IL1RAPL2: variants seen among roughly 807,000 people sequenced by gnomAD.
The protein encoded by IL1RAPL2 is interleukin 1 receptor accessory protein like 2.
IL1RAPL2 carries 3 observed loss-of-function variants against 44.1 expected under a neutral mutation model. That is an observed-to-expected ratio of 0.07 (90% confidence interval 0.03 to 0.18). The LOEUF is 0.18. Ranked by LOEUF, IL1RAPL2 falls within the 10% of genes least tolerant of loss-of-function variation. The pLI is 1.00. For synonymous variants in IL1RAPL2, 181 were observed against 178.8 expected (o/e 1.01, Z -0.10); for missense variants, 391 against 496.4 (o/e 0.79, Z 2.02).
chrX:105,205,302 G>C (rs1329758411), intron 3 of IL1RAPL2, among the ~76,000 whole-genome samples: 3 of 109,851 alleles, frequency 2.7e-5, no homozygotes, highest in Non-Finnish European at 5.7e-5. Flanking sequence ...GAAAGCTAAA[G>C]AAAGGGCTGG....
chrX:105,279,481 G>T (rs2034512764), intron 5 of IL1RAPL2, among the ~76,000 whole-genome samples: 1 of 110,781 alleles, frequency 9.0e-6, no homozygotes, highest in East Asian at 2.8e-4. Context: ...TTTTTTGTTT[G>T]TTTGTTTTGT....
Position 104,868,401 on chromosome X carries a change from G to A in IL1RAPL2, c.82+209406G>A, listed in dbSNP as rs928935973. 2.3e-4 allele frequency among the ~76,000 whole-genome samples: 26 copies of A among 111,680 alleles called. 1 individual carries two copies. Among genetic ancestry groups the A allele is most frequent in the Non-Finnish European group, 2.1e-4 (11 of 53,137 alleles). Reference sequence around the variant, plus strand: ...TCTTTAGGGCCACTCTCCCTCTTTAGGGTATTAAATTACCTGTATCTGCTC... The same window carrying A: ...TCTTTAGGGCCACTCTCCCTCTTTAAGGTATTAAATTACCTGTATCTGCTC... On this transcript the variant is annotated intron_variant, in intron 2 of 10. Coordinates refer to ENST00000372582, the MANE Select transcript of IL1RAPL2 (RefSeq NM_017416.2).
intron 2 of IL1RAPL2, among the ~76,000 whole-genome samples, chrX:104,807,503 C>T (rs1746209612): frequency 9.0e-6 from 1 of 111,300 alleles, no homozygotes; most frequent in Non-Finnish European, 1.9e-5. Flanking sequence ...GAGTTTTTTC[C>T]TTTGAAAATG....
intron 6 of IL1RAPL2, among the ~76,000 whole-genome samples, chrX:105,673,938 CAT>C (rs2037846256): frequency 1.8e-5 from 2 of 111,458 alleles, no homozygotes; most frequent in South Asian, 3.7e-4. Flanking sequence ...ATCTTTTTTT[CAT>C]ATGTTTGTGG....
At chrX:105,482,602 G>T (rs1425194333) in intron 5 of IL1RAPL2, among the ~76,000 whole-genome samples, 1 of 111,531 alleles carries the variant, frequency 9.0e-6, no homozygotes, top group African/African-American at 3.3e-5. Flanking sequence ...TATTTCTGGT[G>T]CATTTGTTTA....
chrX:105,340,726 A>T (rs1476735493), intron 5 of IL1RAPL2, among the ~76,000 whole-genome samples: 3 of 112,127 alleles, frequency 2.7e-5, no homozygotes, highest in African/African-American at 9.7e-5. Context: ...CTGCCTGTTT[A>T]ATATGCAACT....
At chrX:105,190,910 G>A (rs1011258625) in intron 2 of IL1RAPL2, among the ~76,000 whole-genome samples, 3 of 112,269 alleles carry the variant, frequency 2.7e-5, no homozygotes, top group African/African-American at 9.7e-5. Flanking sequence ...GAGGAAGTAG[G>A]AGGCTTATCT....
chrX:105,709,636 GC>G (rs2038192105), intron 6 of IL1RAPL2, among the ~76,000 whole-genome samples: 1 of 111,470 alleles, frequency 9.0e-6, no homozygotes, highest in African/African-American at 3.3e-5. Context: ...TAGTGGAAGG[GC>G]TGGGGCTATA....
intron 6 of IL1RAPL2, among the ~76,000 whole-genome samples, chrX:105,515,607 G>T (rs1368180655): frequency 8.9e-6 from 1 of 111,870 alleles, no homozygotes; most frequent in East Asian, 2.8e-4. Flanking sequence ...GCTCACTGGG[G>T]GCTAAAGTGG....
chrX:104,741,661 C>G (rs1932103348), intron 2 of IL1RAPL2, among the ~76,000 whole-genome samples: 1 of 110,512 alleles, frequency 9.0e-6, no homozygotes, highest in Admixed American at 9.7e-5. Context: ...AAAAACATGT[C>G]AACCAGAGAG....
rs766530501 is a variant in IL1RAPL2, at chrX:105,702,435, C to T, written c.773-14932C>T. On this transcript the variant is annotated intron_variant, in intron 6 of 10. Transcript: ENST00000372582. ...AGCCAGAAAATTTGCAGTATGGTCA[C>T]GGGCATTGCTTATTCCCTACACGAG... is the stretch of plus-strand genomic sequence containing the variant. Among the ~76,000 whole-genome samples, 14 of 110,772 alleles carry T rather than the reference C, an allele frequency of 1.3e-4. No individual in the cohort carries two copies. In the South Asian group the frequency reaches 3.0e-3, roughly 24 times the overall value.
At chrX:105,424,830 C>T (rs1056788839) in intron 5 of IL1RAPL2, among the ~76,000 whole-genome samples, 1 of 109,818 alleles carries the variant, frequency 9.1e-6, no homozygotes, top group Non-Finnish European at 1.9e-5. Flanking sequence ...ACTGATAATC[C>T]TTTTCTTTCC....
chrX:104,823,294 C>T lies in IL1RAPL2; in HGVS notation c.82+164299C>T, dbSNP rs756547803. On this transcript the variant is annotated intron_variant, in intron 2 of 10. Transcript: ENST00000372582. ...AGTCCCCAGTGTGATATTCCCCTTC[C>T]TGTGTCCATGTGTTCTCATTGTTCA... is the stretch of plus-strand genomic sequence containing the variant. Among the ~76,000 whole-genome samples the T allele has an allele frequency of 7.2e-5, 8 of 110,994 alleles. No individual in the cohort carries two copies. In the South Asian group the frequency reaches 2.7e-3, roughly 37 times the overall value.
intron 5 of IL1RAPL2, among the ~76,000 whole-genome samples, chrX:105,374,805 G>A (rs781307855): frequency 3.7e-5 from 4 of 108,305 alleles, no homozygotes; most frequent in South Asian, 4.1e-4. Context: ...AAAATTAGCC[G>A]GGCGCGGTGG....
At chrX:105,380,054 C>T (rs761122231) in intron 5 of IL1RAPL2, among the ~76,000 whole-genome samples, 1 of 111,863 alleles carries the variant, frequency 8.9e-6, no homozygotes, top group South Asian at 3.7e-4. Flanking sequence ...TTAATTTACT[C>T]GTGATAAATT....
At chrX:104,797,242 G>T (rs931460655) in intron 2 of IL1RAPL2, among the ~76,000 whole-genome samples, 3 of 87,165 alleles carry the variant, frequency 3.4e-5, no homozygotes, top group Non-Finnish European at 6.3e-5. Flanking sequence ...AGTATGTCTG[G>T]AAGAGTTTGT....
intron 2 of IL1RAPL2, among the ~76,000 whole-genome samples, chrX:105,076,499 C>T (rs976672660): frequency 1.8e-5 from 2 of 111,465 alleles, no homozygotes; most frequent in African/African-American, 6.5e-5. Flanking sequence ...TGGTGTGGTG[C>T]TGAAAATAAT....
chrX:104,681,113 C>T (rs192384489), intron 2 of IL1RAPL2, among the ~76,000 whole-genome samples: 1 of 111,896 alleles, frequency 8.9e-6, no homozygotes, highest in Admixed American at 9.5e-5. Context: ...TTCTGTCTTG[C>T]TTCATATGAA....
At position 105,150,548 on chromosome X, in the gene IL1RAPL2, AAGG is replaced by A. The variant is rs1346945291; in HGVS notation, c.83-44924_83-44922del. Among the ~76,000 whole-genome samples the A allele has an allele frequency of 2.7e-5, 3 of 111,975 alleles. No homozygotes were observed. In the Admixed American group the frequency reaches 2.8e-4, roughly 11 times the overall value. ...GTAAATGAACAGCTGTCTCAGTAGAAAGGAGATTTGCTGTCTGTTTCAGACTAG... is the reference window on the plus strand; with the variant it reads ...GTAAATGAACAGCTGTCTCAGTAGAAAGATTTGCTGTCTGTTTCAGACTAG... On this transcript the variant is annotated intron_variant, in intron 2 of 10. Transcript: ENST00000372582.
Sources: allele counts gnomAD v4.1 joint callset (sites outside exome capture counted in the v4.1 genomes callset), GRCh38; gene constraint gnomAD v4.1.1; transcripts MANE v1.5; gene names NCBI Gene and HGNC (gene_info 2026-07-23, HGNC 2026-07-21).